Variants in CUL3 observed in about 807,000 individuals in gnomAD.
CUL3 encodes the protein cullin-3.
CUL3 carries 19 observed loss-of-function variants against 89.1 expected under a neutral mutation model. The observed-to-expected ratio is 0.21, with a 90% CI of 0.15 to 0.31. The LOEUF (loss-of-function observed/expected upper bound fraction) is 0.31. CUL3 is among the 10% of genes least tolerant of loss of function. CUL3 has a pLI of 1.00. For missense variants in CUL3, 469 were observed against 942.3 expected, an observed-to-expected ratio of 0.50 and a Z score of 6.58; for synonymous variants, 351 against 308.4, an observed-to-expected ratio of 1.14 and a Z score of -1.45.
Position 224,535,670 on chromosome 2 carries a change from A to C in CUL3, c.265-29T>G, listed in dbSNP as rs894771401. 1.4e-5 allele frequency: 19 copies of C among 1,378,012 alleles called. 1 individual carries two copies. In the Admixed American group the frequency reaches 2.5e-4, roughly 18 times the overall value. 85.4% of individuals were successfully genotyped at this position (1,378,012 alleles called of 1,614,324 possible). ...GTAACAGAAGAGTTCATTAGTTTGC[A>C]CACACACATCCACACACTCGTATAT... is the stretch of plus-strand genomic sequence containing the variant. On this transcript the variant is annotated intron_variant, in intron 2 of 15. Coordinates refer to ENST00000264414, the MANE Select transcript of CUL3 (RefSeq NM_003590.5).
At chr2:224,548,842 AT>A (rs1276550078) in intron 2 of CUL3, among the ~76,000 whole-genome samples, 1 of 151,986 alleles carries the variant, frequency 6.6e-6, no homozygotes, top group African/African-American at 2.4e-5. Flanking sequence ...CTACAAAAAA[AT>A]ATACAAAAAT....
intron 2 of CUL3, among the ~76,000 whole-genome samples, chr2:224,542,781 G>A (rs1694166219): frequency 6.6e-6 from 1 of 152,106 alleles, no homozygotes; most frequent in Admixed American, 6.5e-5. Flanking sequence ...ACATCCTCAA[G>A]TCAGTCAAAT....
chr2:224,518,459 A>C (rs1456571165), intron 3 of CUL3, among the ~76,000 whole-genome samples: 3 of 152,148 alleles, frequency 2.0e-5, no homozygotes, highest in Non-Finnish European at 4.4e-5. Context: ...TTGTGGACAT[A>C]TGCTTTCATT....
chr2:224,511,868 G>A (rs1692838903), intron 5 of CUL3, among the ~76,000 whole-genome samples: 1 of 152,136 alleles, frequency 6.6e-6, no homozygotes, highest in South Asian at 2.1e-4. Context: ...ACACGCCAGT[G>A]AGGGTCAAAA....
intron 2 of CUL3, among the ~76,000 whole-genome samples, chr2:224,542,091 CT>C (rs1694130656): frequency 6.6e-6 from 1 of 152,054 alleles, no homozygotes; most frequent in African/African-American, 2.4e-5. Context: ...GCCCTGTTTC[CT>C]TATTATTTTA....
At chr2:224,549,864 A>ACACACACACACACG (rs758769247) in intron 2 of CUL3, among the ~76,000 whole-genome samples, 3 of 151,200 alleles carry the variant, frequency 2.0e-5, no homozygotes, top group Admixed American at 1.3e-4. Context: ...ATATGCGTGC[A>ACACACACACACACG]CACACACACA....
chr2:224,569,624 G>A (rs1403294811), intron 1 of CUL3: 3 of 769,244 alleles, frequency 3.9e-6, no homozygotes, highest in Non-Finnish European at 4.8e-6. Context: ...TACTTCAGAT[G>A]ATATAAAAAA....
At chr2:224,577,564 T>C (rs1348493466) in intron 1 of CUL3, among the ~76,000 whole-genome samples, 2 of 82,354 alleles carry the variant, frequency 2.4e-5, no homozygotes, top group East Asian at 4.2e-4. Flanking sequence ...GCGGAGACTC[T>C]GTCTCAAAAA....
chr2:224,502,459 T>TACATTAAC (rs760226508), intron 10 of CUL3, among the ~76,000 whole-genome samples: 3 of 152,226 alleles, frequency 2.0e-5, no homozygotes, highest in Non-Finnish European at 4.4e-5. Flanking sequence ...ACATTTATAA[T>TACATTAAC]ACATTAATTT....
chr2:224,549,464 T>C (rs1339307419), intron 2 of CUL3, among the ~76,000 whole-genome samples: 3 of 152,230 alleles, frequency 2.0e-5, no homozygotes, highest in Non-Finnish European at 2.9e-5. Flanking sequence ...TTAAAGTTCT[T>C]TGGGCTAAAA....
intron 1 of CUL3, among the ~76,000 whole-genome samples, chr2:224,570,712 C>A (rs775916379): frequency 2.0e-5 from 3 of 152,102 alleles, no homozygotes; most frequent in Non-Finnish European, 2.9e-5. Context: ...GAAATCACAA[C>A]CTGATCGACA....
Position 224,471,909 on chromosome 2 carries a change from G to A in CUL3, c.*2336C>T, listed in dbSNP as rs1202207824. 8.7e-6 allele frequency: 2 copies of A among 230,854 alleles called. No homozygotes were observed. The highest frequency in any genetic ancestry group is 5.6e-5 in the Admixed American group (1 of 17,706). 14.3% of individuals were successfully genotyped at this position (230,854 alleles called of 1,614,324 possible). A position where few individuals can be genotyped will look rare whatever the true frequency, so the allele number is the denominator to read the frequency against. ...TCACCAAAATTTCTCTGCACCAACA[G>A]GATGGAATGGTTAGGATGCATTTTT... is the stretch of plus-strand genomic sequence containing the variant. On this transcript the variant is annotated 3_prime_UTR_variant, in exon 16 of 16. Transcript: ENST00000264414.
At chr2:224,549,479 C>A (rs968796025) in intron 2 of CUL3, among the ~76,000 whole-genome samples, 6 of 152,064 alleles carry the variant, frequency 3.9e-5, no homozygotes, top group Non-Finnish European at 7.4e-5. Context: ...CTAAAACGAC[C>A]AACTCCAAAC....
At chr2:224,531,810 AG>A (rs1693706072) in intron 3 of CUL3, among the ~76,000 whole-genome samples, 1 of 152,196 alleles carries the variant, frequency 6.6e-6, no homozygotes, top group Non-Finnish European at 1.5e-5. Flanking sequence ...ATGAGAGATA[AG>A]GATTTCAACA....
intron 1 of CUL3, among the ~76,000 whole-genome samples, chr2:224,568,000 C>A (rs1364634103): frequency 6.6e-6 from 1 of 152,166 alleles, no homozygotes. Flanking sequence ...GTTTCTCACT[C>A]TATTTCCATC....
At chr2:224,476,267 T>C (rs1379867521) in intron 15 of CUL3, among the ~76,000 whole-genome samples, 1 of 152,178 alleles carries the variant, frequency 6.6e-6, no homozygotes, top group East Asian at 1.9e-4. Context: ...TCCGCCCACC[T>C]TGGCCTCCCA....
intron 6 of CUL3, among the ~76,000 whole-genome samples, chr2:224,510,332 T>A (rs1298880292): frequency 2.7e-5 from 4 of 150,870 alleles, no homozygotes; most frequent in African/African-American, 7.3e-5. Flanking sequence ...TACATATAAC[T>A]TTTCAGGGAT....
chr2:224,492,819 G>A (rs189550864), intron 13 of CUL3, among the ~76,000 whole-genome samples: 1 of 152,298 alleles, frequency 6.6e-6, no homozygotes, highest in African/African-American at 2.4e-5. Flanking sequence ...AAGAAAATGA[G>A]AAGTGACACT....
chr2:224,502,395 G>A (rs1323617038), intron 10 of CUL3, among the ~76,000 whole-genome samples: 1 of 152,190 alleles, frequency 6.6e-6, no homozygotes, highest in Non-Finnish European at 1.5e-5. Flanking sequence ...ACTCCCATCA[G>A]ACTCCAAAGC....
Sources: gnomAD v4.1 joint callset for allele counts (sites outside exome capture counted in the v4.1 genomes callset) on GRCh38, gnomAD v4.1.1 for gene constraint, MANE v1.5 for transcripts, NCBI Gene and HGNC (gene_info 2026-07-23, HGNC 2026-07-21) for gene names.